RELCH: variants seen among roughly 807,000 people sequenced by gnomAD.
The protein encoded by RELCH is RAB11-binding protein RELCH.
A neutral mutation model predicts 150.3 loss-of-function variants in RELCH; 41 were observed. That is an observed-to-expected ratio of 0.27 (90% CI 0.21 to 0.35). RELCH has a LOEUF of 0.35. Among genes scored for constraint, RELCH ranks in the 10% least tolerant of loss-of-function variants. RELCH has a pLI of 1.00. For missense variants in RELCH, 1,092 were observed against 1,467.8 expected (o/e 0.74, Z 4.18); for synonymous variants, 478 against 531.8 (o/e 0.90, Z 1.39).
intron 10 of RELCH, among the ~76,000 whole-genome samples, chr18:62,240,408 C>CTTTTTT (rs199932427): frequency 2.1e-5 from 3 of 139,568 alleles, no homozygotes; most frequent in African/African-American, 5.3e-5. Context: ...TTTTTTTTTT[C>CTTTTTT]TTTTTCTTTT....
chr18:62,258,285 G>T (rs2043085832), intron 14 of RELCH, among the ~76,000 whole-genome samples, 197 bp downstream of exon 14: 2 of 151,928 alleles, frequency 1.3e-5, no homozygotes, highest in Non-Finnish European at 2.9e-5. Flanking sequence ...TATAGTATCT[G>T]CCACAGCTTT....
intron 10 of RELCH, among the ~76,000 whole-genome samples, chr18:62,234,712 A>T (rs1344671028): frequency 6.6e-6 from 1 of 151,976 alleles, no homozygotes; most frequent in Non-Finnish European, 1.5e-5. Flanking sequence ...CTTCTGTCAC[A>T]TGCAGTCAGT....
chr18:62,201,917 A>G (rs2039478045), intron 1 of RELCH, among the ~76,000 whole-genome samples: 1 of 152,178 alleles, frequency 6.6e-6, no homozygotes, highest in African/African-American at 2.4e-5. Flanking sequence ...AAGTTTTTCA[A>G]TTATAGTAAA....
At chr18:62,258,217 G>T (rs1357278835) in intron 14 of RELCH, 129 bp downstream of exon 14, 2 of 857,202 alleles carry the variant, frequency 2.3e-6, no homozygotes, top group Non-Finnish European at 3.5e-6. Context: ...TTAGTCATCT[G>T]GGGATGGCTG....
At chr18:62,191,948 C>G (rs1214912076) in intron 1 of RELCH, among the ~76,000 whole-genome samples, 1 of 152,160 alleles carries the variant, frequency 6.6e-6, no homozygotes, top group Non-Finnish European at 1.5e-5. Flanking sequence ...ATTTCTGGTT[C>G]TAGATCTTAG....
intron 2 of RELCH, among the ~76,000 whole-genome samples, chr18:62,216,380 G>A (rs767043445): frequency 6.6e-6 from 1 of 152,022 alleles, no homozygotes; most frequent in African/African-American, 2.4e-5. Context: ...CCTGTTTCAG[G>A]TTCACAAGAT....
chr18:62,235,034 A>C (rs1006021337), intron 10 of RELCH: 2 of 151,958 alleles, frequency 1.3e-5, no homozygotes, highest in African/African-American at 2.4e-5. Flanking sequence ...TAGAAGATAT[A>C]TATATCTATA....
intron 23 of RELCH, 139 bp downstream of exon 23, chr18:62,279,995 T>C (rs1057486311): frequency 4.7e-6 from 3 of 639,266 alleles, no homozygotes; most frequent in Non-Finnish European, 8.1e-6. Context: ...TTTTAAACTT[T>C]ATCACATTAT....
chr18:62,226,906 G>A (rs1186773239), intron 5 of RELCH, among the ~76,000 whole-genome samples: 1 of 152,024 alleles, frequency 6.6e-6, no homozygotes, highest in Non-Finnish European at 1.5e-5. Flanking sequence ...TATTCACAGA[G>A]GCTGGCTGTG....
intron 21 of RELCH, among the ~76,000 whole-genome samples, chr18:62,274,714 C>G (rs949438757): frequency 6.6e-6 from 1 of 152,216 alleles, no homozygotes; most frequent in Non-Finnish European, 1.5e-5. Context: ...AATTTACCCA[C>G]TTGACTCTTA....
At chr18:62,278,882 AAAAC>A (rs776804256) in intron 22 of RELCH, among the ~76,000 whole-genome samples, 32 of 152,310 alleles carry the variant, frequency 2.1e-4, no homozygotes, top group Non-Finnish European at 4.0e-4. Flanking sequence ...TAAGAAATCT[AAAAC>A]AAAGACCTAT....
chr18:62,280,190 T>C (rs2044432130), intron 23 of RELCH: 2 of 610,280 alleles, frequency 3.3e-6, no homozygotes, highest in Admixed American at 5.9e-5. Flanking sequence ...AACAGGTTGT[T>C]ACCAGTAAGT....
intron 2 of RELCH, among the ~76,000 whole-genome samples, chr18:62,219,100 A>G (rs2040668120): frequency 2.0e-5 from 3 of 152,008 alleles, no homozygotes; most frequent in East Asian, 1.9e-4. Flanking sequence ...GTGAATTCAT[A>G]TTGATAAGTA....
chr18:62,252,279 G>A (rs959719854), intron 11 of RELCH, among the ~76,000 whole-genome samples: 3 of 151,656 alleles, frequency 2.0e-5, no homozygotes, highest in South Asian at 4.2e-4. Flanking sequence ...GATTACAGGC[G>A]TGAGCTACTG....
intron 2 of RELCH, among the ~76,000 whole-genome samples, chr18:62,217,488 C>G (rs1055923122): frequency 4.0e-5 from 6 of 151,870 alleles, no homozygotes; most frequent in Non-Finnish European, 8.8e-5. Context: ...AGTGAATAGT[C>G]ATCTTCAGGT....
intron 8 of RELCH, among the ~76,000 whole-genome samples, chr18:62,229,514 G>GTC (rs572665794): frequency 6.1e-4 from 88 of 143,370 alleles, no homozygotes; most frequent in South Asian, 2.9e-3. Context: ...GTGTGTGTGT[G>GTC]TGTGTGTCTG....
chr18:62,303,806 C>T (rs1428270427), intron 28 of RELCH, among the ~76,000 whole-genome samples: 2 of 152,202 alleles, frequency 1.3e-5, no homozygotes, highest in African/African-American at 4.8e-5. Flanking sequence ...ATGCAAAGCA[C>T]ATTTCATCTT....
intron 2 of RELCH, among the ~76,000 whole-genome samples, chr18:62,219,325 C>CTTTTTTTTTTTTT (rs202196452): frequency 1.3e-4 from 15 of 112,854 alleles, no homozygotes; most frequent in East Asian, 2.5e-4. Flanking sequence ...TTCTTTTTTT[C>CTTTTTTTTTTTTT]TTTTTTTTTT....
At chr18:62,303,387 C>T (rs2145170977) in intron 28 of RELCH, among the ~76,000 whole-genome samples, 1 of 152,236 alleles carries the variant, frequency 6.6e-6, no homozygotes, top group Admixed American at 6.5e-5. Context: ...TTGGTTAAGT[C>T]ACCTAAATCT....
Sources: allele counts gnomAD v4.1 joint callset (sites outside exome capture counted in the v4.1 genomes callset), GRCh38; gene constraint gnomAD v4.1.1; transcripts MANE v1.5; gene names NCBI Gene and HGNC (gene_info 2026-07-23, HGNC 2026-07-21).